LRRC8D: variants seen among roughly 807,000 people sequenced by gnomAD.
LRRC8D encodes the protein volume-regulated anion channel subunit LRRC8D.
LRRC8D carries 20 observed loss-of-function variants against 55.8 expected under a neutral mutation model. The observed-to-expected ratio is 0.36, with a 90% CI of 0.25 to 0.52. The LOEUF (loss-of-function observed/expected upper bound fraction) is 0.52. Among genes scored for constraint, LRRC8D ranks in the 20% least tolerant of loss-of-function variants. LRRC8D has a pLI of 0.93. For synonymous variants in LRRC8D, 352 were observed against 377.0 expected, an observed-to-expected ratio of 0.93 and a Z score of 0.77; for missense variants, 651 against 1,030.8, an observed-to-expected ratio of 0.63 and a Z score of 5.05.
chr1:89,852,361 GC>G (rs1661441800), intron 2 of LRRC8D, among the ~76,000 whole-genome samples: 1 of 152,124 alleles, frequency 6.6e-6, no homozygotes, highest in African/African-American at 2.4e-5. Context: ...TGTCCTACCA[GC>G]CTTCCCTCTT....
intron 2 of LRRC8D, among the ~76,000 whole-genome samples, chr1:89,862,899 A>T (rs1169627930): frequency 6.6e-6 from 1 of 152,160 alleles, no homozygotes; most frequent in Non-Finnish European, 1.5e-5. Context: ...TTCTCCCGTG[A>T]TTTCATGGAT....
At chr1:89,852,522 G>A (rs917370485) in intron 2 of LRRC8D, among the ~76,000 whole-genome samples, 4 of 152,206 alleles carry the variant, frequency 2.6e-5, no homozygotes, top group African/African-American at 4.8e-5. Flanking sequence ...TTCTGAGGAT[G>A]CAATGTGAGT....
intron 2 of LRRC8D, among the ~76,000 whole-genome samples, chr1:89,924,398 T>C (rs1234386984): frequency 6.6e-6 from 1 of 152,160 alleles, no homozygotes; most frequent in African/African-American, 2.4e-5. Context: ...ATGGCTATTA[T>C]TAAAAAGTCA....
intron 1 of LRRC8D, among the ~76,000 whole-genome samples, chr1:89,831,180 A>G (rs1354312330): frequency 6.6e-6 from 1 of 152,184 alleles, no homozygotes; most frequent in African/African-American, 2.4e-5. Context: ...TGCTGGGATT[A>G]CAGGCATGAG....
At position 89,911,049 on chromosome 1, in the gene LRRC8D, T is replaced by G. The variant is rs1335661123; in HGVS notation, c.-2-22018T>G. ...TTCTTTTCCCACCTTCTTTTCAGTG[T>G]AATCTGACCTGAGTTCTCTGAATGC... On this transcript the variant is annotated intron_variant, in intron 2 of 2. Transcript: ENST00000337338. The surrounding 1 kb of genome is among the most constrained non-coding windows in gnomAD (Gnocchi z 4.0). Among the ~76,000 whole-genome samples the G allele has an allele frequency of 6.6e-6, 1 of 152,186 alleles. No individual in the cohort carries two copies. The highest frequency in any genetic ancestry group is 2.4e-5 in the African/African-American group (1 of 41,434).
chr1:89,857,121 T>C lies in LRRC8D; in HGVS notation c.-3+13339T>C, dbSNP rs369940910. 1.8e-4 allele frequency among the ~76,000 whole-genome samples: 27 copies of C among 152,244 alleles called. No individual in the cohort carries two copies. The South Asian group carries it at 5.6e-3, about 32-fold the overall frequency. On this transcript the variant is annotated intron_variant, in intron 2 of 2. Coordinates refer to ENST00000337338, the MANE Select transcript of LRRC8D (RefSeq NM_001134479.2). ...TATCGGGGTCAGGCACGGTGGCTCATGCCTGTAATCTCAGCATTTTGGGAG... is the reference window on the plus strand; with the variant it reads ...TATCGGGGTCAGGCACGGTGGCTCACGCCTGTAATCTCAGCATTTTGGGAG...
rs1190465506 is a variant in LRRC8D, at chr1:89,935,454, C to G, written c.2386C>G (p.Gln796Glu). 6.2e-7 allele frequency: 1 copy of G among 1,614,242 alleles called. No individual in the cohort carries two copies. Among genetic ancestry groups the G allele is most frequent in the South Asian group, 1.1e-5 (1 of 91,080 alleles). Residue 796 changes from glutamine to glutamate, a missense_variant, in exon 3 of 3, where the codon CAG becomes GAG. Physicochemically the swap from Gln to Glu is conservative, Grantham distance 29 (BLOSUM62 2). Coordinates refer to ENST00000337338, the MANE Select transcript of LRRC8D (RefSeq NM_001134479.2). ...CACCTCACTCCCAGAGAAAGTTGGT[C>G]AGCTCTCCCAGCTCACTCAGCTGGA... ...CITSLPEKVG[Q>E]LSQLTQLELK...
At chr1:89,905,324 A>G (rs529212164) in intron 2 of LRRC8D, among the ~76,000 whole-genome samples, 1 of 152,346 alleles carries the variant, frequency 6.6e-6, no homozygotes, top group African/African-American at 2.4e-5. Context: ...CAGAAATTGG[A>G]TATCATATTT....
intron 2 of LRRC8D, among the ~76,000 whole-genome samples, chr1:89,904,275 T>C (rs188235339): frequency 6.6e-6 from 1 of 152,356 alleles, no homozygotes; most frequent in African/African-American, 2.4e-5. Flanking sequence ...CAGCTGTAAG[T>C]GACCATCTGA....
chr1:89,859,711 A>G (rs1383290974), intron 2 of LRRC8D, among the ~76,000 whole-genome samples: 3 of 152,180 alleles, frequency 2.0e-5, no homozygotes, highest in Non-Finnish European at 2.9e-5. Flanking sequence ...CTTTTCATCC[A>G]TTTATTTTGT....
At chr1:89,932,239 T>C (rs1570900596) in intron 2 of LRRC8D, among the ~76,000 whole-genome samples, 1 of 152,358 alleles carries the variant, frequency 6.6e-6, no homozygotes, top group East Asian at 1.9e-4. Context: ...TATGTCTTCC[T>C]GGTGCTGACT....
At chr1:89,863,669 T>G (rs1661775836) in intron 2 of LRRC8D, among the ~76,000 whole-genome samples, 1 of 152,212 alleles carries the variant, frequency 6.6e-6, no homozygotes, top group African/African-American at 2.4e-5. Flanking sequence ...ATTTAGTTCT[T>G]CCTTTGTTTT....
chr1:89,833,867 G>A (rs530638011), intron 1 of LRRC8D: 2 of 152,210 alleles, frequency 1.3e-5, no homozygotes, highest in South Asian at 2.1e-4. Flanking sequence ...TGATAGTGTG[G>A]GTGTCAACTC....
intron 1 of LRRC8D, among the ~76,000 whole-genome samples, chr1:89,838,265 C>G (rs934957772): frequency 4.6e-5 from 7 of 151,492 alleles, no homozygotes; most frequent in African/African-American, 1.2e-4. Context: ...GTCCCAGCTA[C>G]TGGGGAGGCT....
chr1:89,879,546 T>C (rs1662229654), intron 2 of LRRC8D, among the ~76,000 whole-genome samples: 1 of 152,208 alleles, frequency 6.6e-6, no homozygotes, highest in Non-Finnish European at 1.5e-5. Context: ...ATAACAAAAA[T>C]ACTTTCCTGG....
chr1:89,883,504 A>G (rs968775365), intron 2 of LRRC8D, among the ~76,000 whole-genome samples: 1 of 152,152 alleles, frequency 6.6e-6, no homozygotes, highest in Non-Finnish European at 1.5e-5. Flanking sequence ...TGAACAGCAC[A>G]TCTCATTGGG....
At chr1:89,928,520 TG>T (rs1382070650) in intron 2 of LRRC8D, among the ~76,000 whole-genome samples, 1 of 151,790 alleles carries the variant, frequency 6.6e-6, no homozygotes, top group Non-Finnish European at 1.5e-5. Context: ...TGGTGGGGGG[TG>T]GCAGAGTAGA....
intron 2 of LRRC8D, among the ~76,000 whole-genome samples, chr1:89,882,337 A>G (rs1662304703): frequency 6.6e-6 from 1 of 152,238 alleles, no homozygotes; most frequent in Non-Finnish European, 1.5e-5. Context: ...CATTTGTTTC[A>G]TTAGCTTTGC....
At chr1:89,918,642 T>C (rs1663334258) in intron 2 of LRRC8D, among the ~76,000 whole-genome samples, 1 of 152,242 alleles carries the variant, frequency 6.6e-6, no homozygotes, top group Non-Finnish European at 1.5e-5. Context: ...CTTGGTATTA[T>C]CTCCTAGTGA....
Sources: allele counts gnomAD v4.1 joint callset (sites outside exome capture counted in the v4.1 genomes callset), GRCh38; gene constraint gnomAD v4.1.1; non-coding constraint Gnocchi (gnomAD v3.1); transcripts MANE v1.5; gene names NCBI Gene and HGNC (gene_info 2026-07-23, HGNC 2026-07-21).